The following PTPRN2 variants were observed in gnomAD, a reference collection of about 807,000 sequenced individuals.
The protein encoded by PTPRN2 is protein tyrosine phosphatase receptor type N2.
Under a neutral mutation model 118.8 loss-of-function variants are expected in PTPRN2, and 74 were observed. That is an observed-to-expected ratio of 0.62 (90% CI 0.52 to 0.76). The LOEUF is 0.76. Ranked by LOEUF, PTPRN2 falls within the 30% of genes least tolerant of loss-of-function variation. The pLI, the probability that PTPRN2 is intolerant of heterozygous loss-of-function variation, is 0.00. For missense variants in PTPRN2, 1,481 were observed against 1,394.4 expected (o/e 1.06, Z -0.99); for synonymous variants, 641 against 608.0 (o/e 1.05, Z -0.80).
At chr7:158,478,964 G>A (rs185656451) in intron 2 of PTPRN2, among the ~76,000 whole-genome samples, 47 of 152,214 alleles carry the variant, frequency 3.1e-4, no homozygotes, top group African/African-American at 1.1e-3. Flanking sequence ...ACAGTCACTG[G>A]GGAAACACAC....
chr7:157,569,872 G>A (rs1799674066), intron 20 of PTPRN2, among the ~76,000 whole-genome samples: 1 of 152,140 alleles, frequency 6.6e-6, no homozygotes, highest in African/African-American at 2.4e-5. Flanking sequence ...GTGACTTTCC[G>A]GAAAACGAAT....
Position 157,578,132 on chromosome 7 carries a change from C to T in PTPRN2, c.2505G>A (p.Trp835Ter). 3 of 1,609,384 alleles carry T rather than the reference C, an allele frequency of 1.9e-6. No individual in the cohort carries two copies. Among genetic ancestry groups the T allele is most frequent in the East Asian group, 2.2e-5 (1 of 44,802 alleles). Residue 835 changes from tryptophan (W) to a stop codon, truncating the protein, a stop_gained, in exon 18 of 23, where the codon TGG becomes TGA. Coordinates refer to ENST00000389418, the MANE Select transcript of PTPRN2 (RefSeq NM_002847.5). LOFTEE classifies it high-confidence loss of function. Reference sequence around the variant, plus strand: ...TGACGATCACCACGCAGCCGCTCTCCCACACCATCTGCGGACAAAGAAGGC... The same window carrying T: ...TGACGATCACCACGCAGCCGCTCTCTCACACCATCTGCGGACAAAGAAGGC... ...ATVADFWQMV[W>*]ESGCVVIVML...
At chr7:158,358,758 A>G (rs1446167058) in intron 2 of PTPRN2, among the ~76,000 whole-genome samples, 1 of 152,220 alleles carries the variant, frequency 6.6e-6, no homozygotes, top group Non-Finnish European at 1.5e-5. Context: ...GGTCAGGTTC[A>G]CAGAAGGTAC....
intron 9 of PTPRN2, among the ~76,000 whole-genome samples, chr7:158,124,100 G>T (rs1348107054): frequency 6.6e-6 from 1 of 152,238 alleles, no homozygotes; most frequent in Non-Finnish European, 1.5e-5. Context: ...TGAACTGAAT[G>T]TTTTCCGACC....
At chr7:158,289,652 T>G (rs547668024) in intron 3 of PTPRN2, among the ~76,000 whole-genome samples, 3 of 151,834 alleles carry the variant, frequency 2.0e-5, no homozygotes, top group Non-Finnish European at 1.5e-5. Flanking sequence ...CATTTGTTTA[T>G]CTCCATTTCT....
Position 157,784,631 on chromosome 7 carries a change from C to T in PTPRN2, c.1789-101694G>A, listed in dbSNP as rs183634369. Reference sequence around the variant, plus strand: ...GGGGCTGGGCTGATCCCATATGAAACGGGCAGGGGCTGGGCTGATCCCGTA... The same window carrying T: ...GGGGCTGGGCTGATCCCATATGAAATGGGCAGGGGCTGGGCTGATCCCGTA... On this transcript the variant is annotated intron_variant, in intron 12 of 22. Coordinates refer to ENST00000389418, the MANE Select transcript of PTPRN2 (RefSeq NM_002847.5). This position sits in a 1 kb window ranked among gnomAD's most constrained non-coding sequence, Gnocchi z 4.6. 3.1e-4 allele frequency among the ~76,000 whole-genome samples: 38 copies of T among 120,832 alleles called. No individual in the cohort carries two copies. The East Asian group carries it at 6.8e-3, about 22-fold the overall frequency. The allele number at this position is 120,832 out of a possible 152,430, so 79.3% of individuals were successfully genotyped here.
At chr7:158,228,487 A>C (rs1263731451) in intron 3 of PTPRN2, among the ~76,000 whole-genome samples, 1 of 152,106 alleles carries the variant, frequency 6.6e-6, no homozygotes, top group African/African-American at 2.4e-5. Context: ...TTCTACTAGG[A>C]GGGACTTCTG....
chr7:157,720,343 T>A (rs1226389458), intron 12 of PTPRN2, among the ~76,000 whole-genome samples: 1 of 152,226 alleles, frequency 6.6e-6, no homozygotes, highest in Admixed American at 6.5e-5. Flanking sequence ...CATTCCAATG[T>A]CCGACCTCTG....
At chr7:158,569,452 G>C (rs1240059271) in intron 1 of PTPRN2, among the ~76,000 whole-genome samples, 2 of 152,246 alleles carry the variant, frequency 1.3e-5, no homozygotes, top group Admixed American at 6.5e-5. Context: ...CACCCTCCCC[G>C]GGACGTCACA....
chr7:158,027,141 G>A (rs1446724873), intron 11 of PTPRN2, among the ~76,000 whole-genome samples: 2 of 152,168 alleles, frequency 1.3e-5, no homozygotes, highest in East Asian at 1.9e-4. Context: ...GGCCCCTGTG[G>A]AAAGTGCCCA....
chr7:158,080,524 T>G (rs77415433), intron 11 of PTPRN2, among the ~76,000 whole-genome samples: 2,563 of 151,798 alleles, frequency 0.017, 74 homozygotes, highest in African/African-American at 0.059. Flanking sequence ...TCCTGTATTT[T>G]TCTTACTAGG....
chr7:157,872,553 A>G (rs1293909353), intron 12 of PTPRN2, among the ~76,000 whole-genome samples: 3 of 151,716 alleles, frequency 2.0e-5, no homozygotes, highest in African/African-American at 7.3e-5. Flanking sequence ...GTGCCTTCCC[A>G]CGCTATGTCC....
Position 157,759,121 on chromosome 7 carries a change from T to G in PTPRN2, c.1789-76184A>C, listed in dbSNP as rs550815680. On this transcript the variant is annotated intron_variant, in intron 12 of 22. Coordinates refer to ENST00000389418, the MANE Select transcript of PTPRN2 (RefSeq NM_002847.5). ...CATGTCCTGTGAAGCCCTTCAGACCTGCCTGGGGTTCGAGTCCCTGGATCT... is the reference window on the plus strand; with the variant it reads ...CATGTCCTGTGAAGCCCTTCAGACCGGCCTGGGGTTCGAGTCCCTGGATCT... Among the ~76,000 whole-genome samples the G allele has an allele frequency of 2.6e-5, 4 of 152,368 alleles. No homozygotes were observed. The South Asian group carries it at 8.3e-4, about 32-fold the overall frequency.
chr7:157,652,560 C>A (rs1037148088), intron 14 of PTPRN2, among the ~76,000 whole-genome samples: 5 of 152,212 alleles, frequency 3.3e-5, no homozygotes, highest in African/African-American at 1.2e-4. Flanking sequence ...GACCTGCCCA[C>A]CCCTGCCCCT....
chr7:158,447,562 G>T (rs1376655841), intron 2 of PTPRN2, among the ~76,000 whole-genome samples: 1 of 152,158 alleles, frequency 6.6e-6, no homozygotes, highest in Non-Finnish European at 1.5e-5. Context: ...CGATAAGGCC[G>T]ACCCGCCCAG....
intron 11 of PTPRN2, among the ~76,000 whole-genome samples, chr7:157,942,052 A>G (rs28738940): frequency 6.7e-6 from 1 of 149,438 alleles, no homozygotes; most frequent in Non-Finnish European, 1.5e-5. Flanking sequence ...CACCCTCCAC[A>G]CATGGGGGTC....
intron 12 of PTPRN2, among the ~76,000 whole-genome samples, chr7:157,820,553 C>T (rs1479665743): frequency 6.6e-6 from 1 of 151,474 alleles, no homozygotes; most frequent in Non-Finnish European, 1.5e-5. Flanking sequence ...CGTGCACACA[C>T]ACGCACACAC....
chr7:158,258,989 C>T lies in PTPRN2; in HGVS notation c.278-53716G>A, dbSNP rs1365971835. ...GAGTGGGGTGAGGGAGGTGCAGCGT[C>T]GGTACAGGGAGGCAGGAAGCAGGAG... is the stretch of plus-strand genomic sequence containing the variant. On this transcript the variant is annotated intron_variant, in intron 3 of 22. Transcript: ENST00000389418. Among the ~76,000 whole-genome samples the T allele has an allele frequency of 3.9e-5, 6 of 152,030 alleles. 1 individual carries two copies. The highest frequency in any genetic ancestry group is 1.9e-4 in the East Asian group (1 of 5,162).
chr7:157,753,660 C>T (rs887233460), intron 12 of PTPRN2, among the ~76,000 whole-genome samples: 5 of 148,774 alleles, frequency 3.4e-5, no homozygotes, highest in Non-Finnish European at 5.9e-5. Context: ...GCCTCCCCTC[C>T]GTTCTCTACC....
Sources: allele counts gnomAD v4.1 joint callset (sites outside exome capture counted in the v4.1 genomes callset), GRCh38; gene constraint gnomAD v4.1.1; non-coding constraint Gnocchi (gnomAD v3.1); transcripts MANE v1.5; gene names NCBI Gene and HGNC (gene_info 2026-07-23, HGNC 2026-07-21).